TSNARE1: variants seen among roughly 807,000 people sequenced by gnomAD.
TSNARE1 encodes the protein t-SNARE domain containing 1, also known as t-SNARE domain-containing protein 1.
A neutral mutation model predicts 62.0 loss-of-function variants in TSNARE1; 49 were observed. That is an observed-to-expected ratio of 0.79 (90% confidence interval 0.63 to 1.00). TSNARE1 has a LOEUF of 1.00. TSNARE1 is among the 50% of genes least tolerant of loss of function. The pLI is 0.00. For missense variants in TSNARE1, 755 were observed against 700.1 expected (o/e 1.08, Z -0.88); for synonymous variants, 328 against 294.4 (o/e 1.11, Z -1.17).
chr8:142,322,040 T>G (rs994233340), intron 6 of TSNARE1, among the ~76,000 whole-genome samples: 3 of 152,180 alleles, frequency 2.0e-5, no homozygotes, highest in African/African-American at 7.2e-5. Flanking sequence ...ATGAAAGAGA[T>G]AGTATACCAT....
At chr8:142,313,305 T>C (rs1271320979) in intron 9 of TSNARE1, among the ~76,000 whole-genome samples, 1 of 152,222 alleles carries the variant, frequency 6.6e-6, no homozygotes, top group South Asian at 2.1e-4. Flanking sequence ...TCTGTGTTTA[T>C]CTGTGTCTGC....
At chr8:142,385,560 C>T (rs1219593329) in intron 1 of TSNARE1, among the ~76,000 whole-genome samples, 1 of 151,990 alleles carries the variant, frequency 6.6e-6, no homozygotes, top group Admixed American at 6.6e-5. Context: ...GGGAATACGA[C>T]AAGAGGGAGT....
chr8:142,286,067 C>T (rs1822693451), intron 10 of TSNARE1, among the ~76,000 whole-genome samples: 1 of 152,208 alleles, frequency 6.6e-6, no homozygotes, highest in Non-Finnish European at 1.5e-5. Flanking sequence ...CCCACTCCTT[C>T]CCTGACTGCC....
intron 12 of TSNARE1, among the ~76,000 whole-genome samples, chr8:142,240,887 A>C (rs1160303205): frequency 6.6e-6 from 1 of 152,248 alleles, no homozygotes; most frequent in Non-Finnish European, 1.5e-5. Context: ...TTAGAAAATA[A>C]GAAAGGCTGA....
chr8:142,354,730 T>C lies in TSNARE1; in HGVS notation c.-6A>G. The C allele has an allele frequency of 6.2e-7, 1 of 1,612,094 alleles. No individual in the cohort carries two copies. Among genetic ancestry groups the C allele is most frequent in the Non-Finnish European group, 8.5e-7 (1 of 1,178,788 alleles). ...GCGATGGATCCGTATGACATCTTCTTACAGATGGCAGGGCCAGCAGCCTCC... is the reference window on the plus strand; with the variant it reads ...GCGATGGATCCGTATGACATCTTCTCACAGATGGCAGGGCCAGCAGCCTCC... On this transcript the variant is annotated 5_prime_UTR_variant, in exon 2 of 14. Transcript: ENST00000524325.
At chr8:142,325,409 C>T (rs1421121685) in intron 6 of TSNARE1, among the ~76,000 whole-genome samples, 2 of 152,148 alleles carry the variant, frequency 1.3e-5, no homozygotes, top group East Asian at 1.9e-4. Context: ...GACAATCCAC[C>T]GTCGGGGGCA....
intron 4 of TSNARE1, among the ~76,000 whole-genome samples, chr8:142,335,750 T>A (rs1056770599): frequency 6.6e-6 from 1 of 152,220 alleles, no homozygotes; most frequent in Non-Finnish European, 1.5e-5. Context: ...CCAGTAGCCA[T>A]CAACCCCTTG....
chr8:142,233,396 C>G (rs1251183790), intron 12 of TSNARE1, among the ~76,000 whole-genome samples: 1 of 152,114 alleles, frequency 6.6e-6, no homozygotes, highest in African/African-American at 2.4e-5. Flanking sequence ...GGAAGCCTGG[C>G]CTCATCCACA....
chr8:142,396,291 T>C (rs776120515), intron 1 of TSNARE1, among the ~76,000 whole-genome samples: 16 of 151,924 alleles, frequency 1.1e-4, no homozygotes, highest in Admixed American at 5.2e-4. Flanking sequence ...CTGGAAACGC[T>C]TGACTCAGCT....
At chr8:142,253,091 T>C (rs763579073) in intron 12 of TSNARE1, among the ~76,000 whole-genome samples, 8 of 152,200 alleles carry the variant, frequency 5.3e-5, no homozygotes, top group Non-Finnish European at 8.8e-5. Flanking sequence ...GGGTGCAGTA[T>C]CTGGGATAGA....
At position 142,280,419 on chromosome 8, in the gene TSNARE1, A is replaced by C. The variant is rs138901620; in HGVS notation, c.1363+3994T>G. 1.1e-3 allele frequency: 829 copies of C among 783,582 alleles called. 6 individuals carry two copies. In the African/African-American group the frequency reaches 0.014, roughly 14 times the overall value. The allele number at this position is 783,582 out of a possible 1,614,324, so 48.5% of individuals were successfully genotyped here. A position where few individuals can be genotyped will look rare whatever the true frequency, so the allele number is the denominator to read the frequency against. ...GTCATCACAGGCCCTGCATCTGTGC[A>C]CAGCGGCCAGGCCTCGCATCGGCAC... On this transcript the variant is annotated intron_variant, in intron 11 of 13. Transcript: ENST00000524325.
intron 6 of TSNARE1, 76 bp from the exon 7 acceptor site, chr8:142,318,710 C>A: frequency 6.9e-7 from 1 of 1,451,616 alleles, no homozygotes; most frequent in Non-Finnish European, 9.6e-7. Context: ...AAGGACGGAG[C>A]AAGCAGGGAC....
chr8:142,379,250 C>A (rs987964784), intron 1 of TSNARE1, among the ~76,000 whole-genome samples: 1 of 152,218 alleles, frequency 6.6e-6, no homozygotes, highest in Non-Finnish European at 1.5e-5. Flanking sequence ...CCGTCCGTCA[C>A]GGAGTAGGCA....
At chr8:142,394,262 C>T (rs936333063) in intron 1 of TSNARE1, among the ~76,000 whole-genome samples, 1 of 152,196 alleles carries the variant, frequency 6.6e-6, no homozygotes, top group Admixed American at 6.5e-5. Flanking sequence ...CTCTGCCCAT[C>T]GGACCACCCT....
intron 10 of TSNARE1, among the ~76,000 whole-genome samples, chr8:142,295,755 C>T (rs1358346447): frequency 6.6e-6 from 1 of 152,010 alleles, no homozygotes; most frequent in African/African-American, 2.4e-5. Context: ...TCCAGCTGGG[C>T]CGTCCATTGC....
At position 142,331,809 on chromosome 8, in the gene TSNARE1, G is replaced by GTT. The variant is rs1563930209; in HGVS notation, c.766_767dup (p.Asn256LysfsTer21). 9 of 1,609,202 alleles carry GTT rather than the reference G, an allele frequency of 5.6e-6. No individual in the cohort carries two copies. Among genetic ancestry groups the GTT allele is most frequent in the Non-Finnish European group, 6.8e-6 (8 of 1,177,892 alleles). The stretch of plus-strand genomic sequence containing the variant: ...ACATCTCCTGGAACAGCTCCTGGAG[G>GTT]TTGCACGGATCGACCTGGGTGGCTG... On this transcript the variant is annotated frameshift_variant, in exon 5 of 14. Coordinates refer to ENST00000524325, the MANE Select transcript of TSNARE1 (RefSeq NM_145003.5). LOFTEE classifies it high-confidence loss of function.
At chr8:142,221,797 T>C (rs1240878976) in intron 13 of TSNARE1, among the ~76,000 whole-genome samples, 1 of 138,644 alleles carries the variant, frequency 7.2e-6, no homozygotes, top group Admixed American at 7.1e-5. Flanking sequence ...ATCCACTCAT[T>C]CACTCACTCA....
At chr8:142,280,764 A>C (rs1266141699) in intron 11 of TSNARE1, among the ~76,000 whole-genome samples, 1 of 152,138 alleles carries the variant, frequency 6.6e-6, no homozygotes, top group East Asian at 1.9e-4. Context: ...AGAAATGGCT[A>C]CAGCCACCTC....
intron 1 of TSNARE1, among the ~76,000 whole-genome samples, chr8:142,398,252 G>A (rs528622843): frequency 7.2e-4 from 101 of 139,814 alleles, no homozygotes; most frequent in East Asian, 1.8e-3. Flanking sequence ...CGCACCCCCA[G>A]CCCTGCCCAA....
Sources: allele counts gnomAD v4.1 joint callset (sites outside exome capture counted in the v4.1 genomes callset), GRCh38; gene constraint gnomAD v4.1.1; transcripts MANE v1.5; gene names NCBI Gene and HGNC (gene_info 2026-07-23, HGNC 2026-07-21).